The following SDCCAG8 variants were observed in gnomAD, a reference collection of about 807,000 sequenced individuals.
SDCCAG8 encodes the protein SHH signaling and ciliogenesis regulator SDCCAG8.
Under a neutral mutation model 101.8 loss-of-function variants are expected in SDCCAG8, and 74 were observed. That is an observed-to-expected ratio of 0.73 (90% CI 0.60 to 0.88). The LOEUF (loss-of-function observed/expected upper bound fraction) is 0.88, where lower values mean the gene tolerates loss of function less well. Ranked by LOEUF, SDCCAG8 falls within the 40% of genes least tolerant of loss-of-function variation. The pLI is 0.00. For synonymous variants in SDCCAG8, 281 were observed against 292.9 expected (o/e 0.96, Z 0.41); for missense variants, 787 against 822.6 (o/e 0.96, Z 0.53).
In SDCCAG8 at chr1:243,416,726, A is replaced by G. The variant is rs2080610395; in HGVS notation, c.1744+897A>G. On this transcript the variant is annotated intron_variant, in intron 14 of 17. Coordinates refer to ENST00000366541, the MANE Select transcript of SDCCAG8 (RefSeq NM_006642.5). The surrounding 1 kb of genome is among the most constrained non-coding windows in gnomAD (Gnocchi z 4.3). ...TCTTTCACTTTTGAGTTGTGTGTTCACAGACAGTGTTAGTCAAAACAAGAC... is the reference window on the plus strand; with the variant it reads ...TCTTTCACTTTTGAGTTGTGTGTTCGCAGACAGTGTTAGTCAAAACAAGAC... Among the ~76,000 whole-genome samples, 2 of 152,200 alleles carry G rather than the reference A, an allele frequency of 1.3e-5. No individual in the cohort carries two copies. Among genetic ancestry groups the G allele is most frequent in the African/African-American group, 4.8e-5 (2 of 41,454 alleles).
intron 13 of SDCCAG8, among the ~76,000 whole-genome samples, chr1:243,399,534 T>C (rs1022485091): frequency 1.3e-5 from 2 of 151,964 alleles, no homozygotes; most frequent in African/African-American, 4.8e-5. Flanking sequence ...ATTGCTGGAG[T>C]CTCACTCTGT....
intron 16 of SDCCAG8, among the ~76,000 whole-genome samples, chr1:243,480,526 TG>T (rs1663359750): frequency 2.9e-4 from 1 of 3,420 alleles, no homozygotes; most frequent in African/African-American, 5.7e-4. Flanking sequence ...ATGGGTGGGA[TG>T]GATGGATGGA....
rs140758343 is a variant in SDCCAG8, at chr1:243,473,016, A to G, written c.1986-15998A>G. On this transcript the variant is annotated intron_variant, in intron 16 of 17. Transcript: ENST00000366541. ...TTTTAAAACACGTTTTTAAATTTTC[A>G]GAACTCATTTCATGCTGAACATGTT... Among the ~76,000 whole-genome samples, 276 of 152,184 alleles carry G rather than the reference A, an allele frequency of 1.8e-3. 1 individual carries two copies. Among genetic ancestry groups the G allele is most frequent in the African/African-American group, 6.4e-3 (264 of 41,516 alleles).
At chr1:243,398,422 G>T (rs2079157483) in intron 13 of SDCCAG8, among the ~76,000 whole-genome samples, 1 of 151,996 alleles carries the variant, frequency 6.6e-6, no homozygotes, top group South Asian at 2.1e-4. Context: ...AGGAAAAATG[G>T]TTAGTGATTT....
chr1:243,497,671 C>G (rs1290566534), intron 17 of SDCCAG8, among the ~76,000 whole-genome samples: 2 of 152,168 alleles, frequency 1.3e-5, no homozygotes, highest in East Asian at 3.8e-4. Context: ...AAAAATTCCG[C>G]AACACATTTT....
intron 3 of SDCCAG8, among the ~76,000 whole-genome samples, chr1:243,272,812 T>G (rs1384596770): frequency 6.6e-6 from 1 of 152,212 alleles, no homozygotes; most frequent in Non-Finnish European, 1.5e-5. Flanking sequence ...GATTATACCT[T>G]TAGAATGCAC....
chr1:243,307,534 C>T, intron 7 of SDCCAG8: 7 of 983,054 alleles, frequency 7.1e-6, no homozygotes, highest in Non-Finnish European at 8.5e-6. Flanking sequence ...ACTTTTAAGA[C>T]ACTCTAAAAA....
In SDCCAG8 at chr1:243,335,343, G is replaced by C. The variant is rs560783839; in HGVS notation, c.1221+4651G>C. Reference sequence around the variant, plus strand: ...AGGGAGATGAAGTTGCGAATTGAGTGTTGTGTGAGAGAGAATGGTATCAAT... The same window carrying C: ...AGGGAGATGAAGTTGCGAATTGAGTCTTGTGTGAGAGAGAATGGTATCAAT... On this transcript the variant is annotated intron_variant, in intron 10 of 17. Coordinates refer to ENST00000366541, the MANE Select transcript of SDCCAG8 (RefSeq NM_006642.5). Among the ~76,000 whole-genome samples the C allele has an allele frequency of 2.6e-5, 4 of 152,296 alleles. No homozygotes were observed. In the East Asian group the frequency reaches 7.7e-4, roughly 29 times the overall value.
intron 16 of SDCCAG8, among the ~76,000 whole-genome samples, chr1:243,481,842 A>G (rs540257677): frequency 6.6e-6 from 1 of 152,338 alleles, no homozygotes; most frequent in Non-Finnish European, 1.5e-5. Context: ...TGTAGTCCGT[A>G]GGTAGCTCCC....
In SDCCAG8 at chr1:243,360,208, C is replaced by T. The variant is rs185212742; in HGVS notation, c.1473+15877C>T. Among the ~76,000 whole-genome samples the T allele has an allele frequency of 4.6e-3, 668 of 145,922 alleles. 7 individuals are homozygous for T. The highest frequency in any genetic ancestry group is 5.3e-3 in the Non-Finnish European group (355 of 67,036). Reference sequence around the variant, plus strand: ...TCACCTAGGCTGGAGTGCAGTGGCGCGATCTCAGCTCACTGCAAACTCTGC... The same window carrying T: ...TCACCTAGGCTGGAGTGCAGTGGCGTGATCTCAGCTCACTGCAAACTCTGC... On this transcript the variant is annotated intron_variant, in intron 12 of 17. Coordinates refer to ENST00000366541, the MANE Select transcript of SDCCAG8 (RefSeq NM_006642.5).
Position 243,296,129 on chromosome 1 carries a change from G to A in SDCCAG8, c.675+2910G>A, listed in dbSNP as rs146328938. On this transcript the variant is annotated intron_variant, in intron 6 of 17. Transcript: ENST00000366541. ...GCCTGCCTCAGCCACCCAAGTAGCTGAGACTACAGTCATGTGCTACCACAC... is the reference window on the plus strand; with the variant it reads ...GCCTGCCTCAGCCACCCAAGTAGCTAAGACTACAGTCATGTGCTACCACAC... 2.8e-3 allele frequency among the ~76,000 whole-genome samples: 424 copies of A among 152,158 alleles called. 2 individuals are homozygous for A. Among genetic ancestry groups the A allele is most frequent in the African/African-American group, 9.6e-3 (400 of 41,520 alleles).
intron 10 of SDCCAG8, among the ~76,000 whole-genome samples, chr1:243,337,112 GT>G (rs2075064639): frequency 6.6e-6 from 1 of 152,064 alleles, no homozygotes; most frequent in African/African-American, 2.4e-5. Flanking sequence ...TGTTTCCTAG[GT>G]TTTCAGCTAG....
intron 13 of SDCCAG8, among the ~76,000 whole-genome samples, chr1:243,401,958 G>GT (rs1218790536): frequency 6.6e-6 from 1 of 152,154 alleles, no homozygotes; most frequent in African/African-American, 2.4e-5. Flanking sequence ...ACGTTTAGTA[G>GT]TTTTGGGCAC....
intron 16 of SDCCAG8, among the ~76,000 whole-genome samples, chr1:243,433,268 C>T (rs191397040): frequency 6.7e-6 from 1 of 150,064 alleles, no homozygotes; most frequent in Admixed American, 6.7e-5. Context: ...TGGAGAACTG[C>T]GTGAACTCGG....
intron 15 of SDCCAG8, among the ~76,000 whole-genome samples, chr1:243,418,709 G>A (rs1372121968): frequency 1.3e-5 from 2 of 152,060 alleles, no homozygotes; most frequent in East Asian, 3.9e-4. Context: ...ACTGCAAGAA[G>A]CCCGACTCCC....
chr1:243,385,081 G>A (rs75120108), intron 13 of SDCCAG8, among the ~76,000 whole-genome samples: 1,938 of 152,134 alleles, frequency 0.013, 50 homozygotes, highest in African/African-American at 0.045. Flanking sequence ...ACAGGCTAGC[G>A]GGGAAGAGAA....
intron 8 of SDCCAG8, among the ~76,000 whole-genome samples, chr1:243,310,602 G>A (rs1425765088): frequency 3.9e-5 from 6 of 152,010 alleles, no homozygotes; most frequent in Admixed American, 2.6e-4. Context: ...TAAGGATGAC[G>A]TGAAAAGTGG....
At chr1:243,344,129 C>A in intron 11 of SDCCAG8, 86 bp from the exon 12 acceptor site, 1 of 1,028,992 alleles carries the variant, frequency 9.7e-7, no homozygotes, top group Non-Finnish European at 1.5e-6. Context: ...ATCTATATGA[C>A]CTCTAGGGGG....
chr1:243,344,386 C>A, intron 12 of SDCCAG8, 55 bp downstream of exon 12: 2 of 1,181,930 alleles, frequency 1.7e-6, no homozygotes, highest in Non-Finnish European at 2.5e-6. Context: ...AACATTCTTT[C>A]TCAAGTTGAT....
Sources: allele counts gnomAD v4.1 joint callset (sites outside exome capture counted in the v4.1 genomes callset), GRCh38; gene constraint gnomAD v4.1.1; non-coding constraint Gnocchi (gnomAD v3.1); transcripts MANE v1.5; gene names NCBI Gene and HGNC (gene_info 2026-07-23, HGNC 2026-07-21).